MYO3B: variants seen among roughly 807,000 people sequenced by gnomAD.
MYO3B encodes myosin-IIIb.
A neutral mutation model predicts 174.6 loss-of-function variants in MYO3B; 156 were observed. The observed-to-expected ratio is 0.89, with a 90% CI of 0.78 to 1.02. The LOEUF is 1.02. Ranked by LOEUF, MYO3B falls within the 50% of genes least tolerant of loss-of-function variation. MYO3B has a pLI of 0.00. For missense variants in MYO3B, 1,632 were observed against 1,639.4 expected (o/e 1.00, Z 0.08); for synonymous variants, 563 against 569.1 (o/e 0.99, Z 0.15).
intron 25 of MYO3B, among the ~76,000 whole-genome samples, chr2:170,480,919 C>A (rs10497373): frequency 0.012 from 1,759 of 152,286 alleles, 35 homozygotes; most frequent in East Asian, 0.041. Context: ...TTAACTCTCG[C>A]AAAGTGAACT....
At chr2:170,382,860 A>G (rs899102571) in intron 10 of MYO3B, 2 of 439,872 alleles carry the variant, frequency 4.5e-6, no homozygotes, top group Non-Finnish European at 8.1e-6. Flanking sequence ...AAGTGGGCCT[A>G]ATTCTTTCAG....
At chr2:170,466,103 C>G (rs1047048094) in intron 24 of MYO3B, among the ~76,000 whole-genome samples, 1 of 152,200 alleles carries the variant, frequency 6.6e-6, no homozygotes, top group African/African-American at 2.4e-5. Context: ...TTTGCTTAGA[C>G]TATCTGGTGG....
chr2:170,382,191 T>A, intron 10 of MYO3B, 79 bp downstream of exon 10: 3 of 1,179,916 alleles, frequency 2.5e-6, no homozygotes, highest in Admixed American at 1.7e-5. Context: ...TTGTAGACCA[T>A]GTCCTCCTAA....
intron 32 of MYO3B, among the ~76,000 whole-genome samples, chr2:170,633,032 T>C (rs1462744734): frequency 6.6e-6 from 1 of 152,224 alleles, no homozygotes; most frequent in African/African-American, 2.4e-5. Context: ...AGCCGAATTC[T>C]ACCAGAGGTA....
intron 10 of MYO3B, 50 bp downstream of exon 10, chr2:170,382,162 G>T: frequency 6.8e-7 from 1 of 1,473,644 alleles, no homozygotes; most frequent in South Asian, 1.1e-5. Context: ...TGTTTCATGT[G>T]AATGGTCTGA....
At chr2:170,410,589 A>C (rs2094539650) in intron 22 of MYO3B, among the ~76,000 whole-genome samples, 1 of 61,696 alleles carries the variant, frequency 1.6e-5, no homozygotes, top group Non-Finnish European at 3.3e-5. Context: ...CAACAAAAAA[A>C]AAGAAAAAAA....
At chr2:170,585,345 A>T (rs532866680) in intron 32 of MYO3B, among the ~76,000 whole-genome samples, 1 of 151,926 alleles carries the variant, frequency 6.6e-6, no homozygotes, top group South Asian at 2.1e-4. Flanking sequence ...TCACTTGAGC[A>T]TGTCTTCATT....
At chr2:170,588,930 C>T (rs1045287968) in intron 32 of MYO3B, among the ~76,000 whole-genome samples, 1 of 152,134 alleles carries the variant, frequency 6.6e-6, no homozygotes, top group Non-Finnish European at 1.5e-5. Flanking sequence ...AATTTGCCAA[C>T]GTTGCAAAAA....
chr2:170,360,666 T>G (rs1305765419), intron 8 of MYO3B, among the ~76,000 whole-genome samples: 3 of 152,244 alleles, frequency 2.0e-5, no homozygotes, highest in Admixed American at 6.5e-5. Flanking sequence ...GTGATAGTAT[T>G]AAGAGGTGGG....
At chr2:170,560,600 C>A (rs941388894) in intron 32 of MYO3B, among the ~76,000 whole-genome samples, 1 of 152,126 alleles carries the variant, frequency 6.6e-6, no homozygotes, top group Non-Finnish European at 1.5e-5. Context: ...TTTAAAAGAG[C>A]AAATTCAAAC....
chr2:170,275,492 A>T (rs1306911243), intron 7 of MYO3B, among the ~76,000 whole-genome samples: 4 of 152,266 alleles, frequency 2.6e-5, no homozygotes, highest in Non-Finnish European at 5.9e-5. Context: ...TCCTAAAAAC[A>T]CTGTGGTTGC....
chr2:170,484,347 C>T (rs1685891265), intron 25 of MYO3B, among the ~76,000 whole-genome samples: 1 of 152,128 alleles, frequency 6.6e-6, no homozygotes, highest in Non-Finnish European at 1.5e-5. Flanking sequence ...TTGAACACAT[C>T]TGAATATTCA....
intron 22 of MYO3B, among the ~76,000 whole-genome samples, chr2:170,437,283 TCCCAAAATATGGC>T (rs893284513): frequency 6.6e-6 from 1 of 151,702 alleles, no homozygotes. Flanking sequence ...GGGCTCACTG[TCCCAAAATATGGC>T]CCCTTGACCT....
intron 32 of MYO3B, chr2:170,640,344 C>G (rs1365952306): frequency 1.3e-5 from 2 of 152,218 alleles, no homozygotes; most frequent in African/African-American, 4.8e-5. Flanking sequence ...GCCTCTGGCA[C>G]CATGTTTTAT....
intron 32 of MYO3B, among the ~76,000 whole-genome samples, chr2:170,577,369 A>T (rs747580929): frequency 6.6e-6 from 1 of 151,298 alleles, no homozygotes; most frequent in African/African-American, 2.4e-5. Context: ...GGGCCTTATT[A>T]TACATCTGTT....
chr2:170,578,808 T>C (rs1333094726), intron 32 of MYO3B, among the ~76,000 whole-genome samples: 4 of 152,248 alleles, frequency 2.6e-5, no homozygotes, highest in Non-Finnish European at 5.9e-5. Flanking sequence ...GTCCTCAGCC[T>C]GTTGTGGCAT....
intron 22 of MYO3B, among the ~76,000 whole-genome samples, chr2:170,418,852 G>T (rs2094597699): frequency 6.6e-6 from 1 of 152,014 alleles, no homozygotes; most frequent in African/African-American, 2.4e-5. Context: ...CCCCTAATTG[G>T]ATACTTGCTT....
At chr2:170,312,696 T>C (rs1445961311) in intron 7 of MYO3B, among the ~76,000 whole-genome samples, 1 of 152,252 alleles carries the variant, frequency 6.6e-6, no homozygotes, top group Non-Finnish European at 1.5e-5. Context: ...TTCTGATTAT[T>C]TTGCTTGGTA....
intron 7 of MYO3B, among the ~76,000 whole-genome samples, chr2:170,328,789 GA>G (rs67856782): frequency 0.51 from 76,968 of 151,732 alleles, 21,209 homozygotes; most frequent in East Asian, 0.66. Context: ...TTACTGAATG[GA>G]AAAAAATAAG....
Sources: allele counts gnomAD v4.1 joint callset (sites outside exome capture counted in the v4.1 genomes callset), GRCh38; gene constraint gnomAD v4.1.1; transcripts MANE v1.5; gene names NCBI Gene and HGNC (gene_info 2026-07-23, HGNC 2026-07-21).